PLAC8: variants seen among roughly 807,000 people sequenced by gnomAD.
PLAC8 encodes placenta associated 8.
Under a neutral mutation model 12.6 loss-of-function variants are expected in PLAC8, and 6 were observed. That is an observed-to-expected ratio of 0.48 (90% CI 0.26 to 0.94). PLAC8 has a LOEUF of 0.94. Among genes scored for constraint, PLAC8 ranks in the 40% least tolerant of loss-of-function variants. The pLI is 0.14. For synonymous variants in PLAC8, 54 were observed against 52.6 expected (o/e 1.03, Z -0.11); for missense variants, 122 against 152.7 (o/e 0.80, Z 1.06).
At chr4:83,108,602 C>A (rs1732320282) in intron 1 of PLAC8, among the ~76,000 whole-genome samples, 1 of 152,052 alleles carries the variant, frequency 6.6e-6, no homozygotes. Context: ...TCAACAAAAC[C>A]CCCCAAAACA....
Position 83,100,504 on chromosome 4 carries a change from C to T in PLAC8, c.243+4392G>A, listed in dbSNP as rs186930871. On this transcript the variant is annotated intron_variant, in intron 3 of 4. Coordinates refer to ENST00000311507, the MANE Select transcript of PLAC8 (RefSeq NM_016619.3). ...TCTCAGGTACTTCTTTATAGCAATG[C>T]GAGAACCTTTTCTTTATAAGTTACC... is the stretch of plus-strand genomic sequence containing the variant. 2.7e-3 allele frequency among the ~76,000 whole-genome samples: 172 copies of T among 64,638 alleles called. 1 individual carries two copies. Among genetic ancestry groups the T allele is most frequent in the African/African-American group, 0.011 (156 of 13,908 alleles). 42.4% of individuals were successfully genotyped at this position (64,638 alleles called of 152,430 possible).
At chr4:83,097,310 A>G (rs1731963737) in intron 3 of PLAC8, among the ~76,000 whole-genome samples, 1 of 152,142 alleles carries the variant, frequency 6.6e-6, no homozygotes, top group Non-Finnish European at 1.5e-5. Flanking sequence ...TGGCTTAGGA[A>G]AAAAGCACTT....
intron 4 of PLAC8, 165 bp downstream of exon 4, chr4:83,094,513 T>C: frequency 1.8e-6 from 1 of 548,548 alleles, no homozygotes; most frequent in Non-Finnish European, 3.2e-6. Flanking sequence ...AGCTATCTTC[T>C]TCATAAGAAG....
At chr4:83,094,527 A>T in intron 4 of PLAC8, 151 bp downstream of exon 4, 1 of 564,972 alleles carries the variant, frequency 1.8e-6, no homozygotes. Context: ...TAAGAAGAAA[A>T]TTAAAGCCAA....
chr4:83,112,275 CAGTT>C (rs1164016560), intron 1 of PLAC8, among the ~76,000 whole-genome samples: 9 of 150,044 alleles, frequency 6.0e-5, no homozygotes, highest in African/African-American at 9.9e-5. Flanking sequence ...TGCTAACTGC[CAGTT>C]AGTTTGTGTG....
intron 3 of PLAC8, among the ~76,000 whole-genome samples, chr4:83,099,527 C>T (rs545918381): frequency 6.6e-6 from 1 of 152,248 alleles, no homozygotes; most frequent in South Asian, 2.1e-4. Flanking sequence ...CTGCACCCAT[C>T]CATATAAGAT....
intron 2 of PLAC8, among the ~76,000 whole-genome samples, chr4:83,106,651 C>A (rs1253978705): frequency 6.6e-6 from 1 of 151,970 alleles, no homozygotes; most frequent in African/African-American, 2.4e-5. Flanking sequence ...AGGTTCAATT[C>A]AACTCTCATT....
intron 4 of PLAC8, chr4:83,092,727 G>T (rs1323791693): frequency 2.7e-5 from 4 of 150,932 alleles, no homozygotes; most frequent in Non-Finnish European, 5.9e-5. Context: ...AGCTCATAAA[G>T]ATATTTTCTC....
rs747722784 is a variant in PLAC8, at chr4:83,107,859, G to C, written c.63C>G (p.Pro21=). 2 of 1,608,250 alleles carry C rather than the reference G, an allele frequency of 1.2e-6. No homozygotes were observed. Among genetic ancestry groups the C allele is most frequent in the East Asian group, 2.3e-5 (1 of 44,416 alleles). The part of the protein sequence containing the change: ...TQPGVGPGPA[P]QNSNWQTGMC... Reference sequence around the variant, plus strand: ...TGCCTGTCTGCCAGTTGGAGTTCTGGGGGGCCGGACCGGGACCGACTCCAG... The same window carrying C: ...TGCCTGTCTGCCAGTTGGAGTTCTGCGGGGCCGGACCGGGACCGACTCCAG... The change falls in exon 2 of 5, where the codon CCC becomes CCG. Residue 21 remains proline (P), a synonymous_variant. Coordinates refer to ENST00000311507, the MANE Select transcript of PLAC8 (RefSeq NM_016619.3).
At chr4:83,093,551 GT>G (rs1489581532) in intron 4 of PLAC8, 1 of 152,158 alleles carries the variant, frequency 6.6e-6, no homozygotes. Flanking sequence ...AGTGCCATCT[GT>G]TTCTTGTTGA....
intron 1 of PLAC8, among the ~76,000 whole-genome samples, chr4:83,112,204 G>GTA (rs754066888): frequency 4.7e-5 from 6 of 128,688 alleles, no homozygotes; most frequent in Non-Finnish European, 6.1e-5. Context: ...ATATATATAT[G>GTA]TATATATATA....
Position 83,090,780 on chromosome 4 carries a change from G to A in PLAC8, c.*201C>T, listed in dbSNP as rs983712146. On this transcript the variant is annotated 3_prime_UTR_variant, in exon 5 of 5. Transcript: ENST00000311507. Reference sequence around the variant, plus strand: ...TTCGAATTCGATAATATGAAAGCAAGGAGAAACTAAGTTGCACCATTTAGC... The same window carrying A: ...TTCGAATTCGATAATATGAAAGCAAAGAGAAACTAAGTTGCACCATTTAGC... The A allele has an allele frequency of 6.6e-6, 1 of 151,904 alleles. No individual in the cohort carries two copies. The highest frequency in any genetic ancestry group is 1.5e-5 in the Non-Finnish European group (1 of 68,006). The allele number at this position is 151,904 out of a possible 1,614,324, so 9.4% of individuals were successfully genotyped here.
chr4:83,094,154 A>G (rs1207302912), intron 4 of PLAC8: 1 of 152,336 alleles, frequency 6.6e-6, no homozygotes, highest in African/African-American at 2.4e-5. Context: ...ATTCTATATA[A>G]CATTTCCAAA....
intron 1 of PLAC8, among the ~76,000 whole-genome samples, chr4:83,112,132 C>T (rs939908048): frequency 6.7e-6 from 1 of 149,410 alleles, no homozygotes; most frequent in Non-Finnish European, 1.5e-5. Flanking sequence ...CAAGATCGTG[C>T]CATTGCATTC....
intron 1 of PLAC8, among the ~76,000 whole-genome samples, chr4:83,111,091 G>C (rs2126144480): frequency 6.6e-6 from 1 of 152,174 alleles, no homozygotes; most frequent in South Asian, 2.1e-4. Flanking sequence ...TCAGCCTCCT[G>C]AGTAGCCGAG....
chr4:83,112,464 G>A (rs1242643233), intron 1 of PLAC8, among the ~76,000 whole-genome samples: 1 of 151,960 alleles, frequency 6.6e-6, no homozygotes, highest in Non-Finnish European at 1.5e-5. Context: ...GCAGAATGGG[G>A]GGCCCCAGGA....
chr4:83,094,287 G>A (rs1731873775), intron 4 of PLAC8: 2 of 160,592 alleles, frequency 1.2e-5, no homozygotes, highest in African/African-American at 2.4e-5. Context: ...CATACAGAAT[G>A]TTATTTTCTT....
rs70946974 is a variant in PLAC8, at chr4:83,107,620, C to CTTT, written c.118+181_118+183dup. Among the ~76,000 whole-genome samples the CTTT allele has an allele frequency of 1.4e-3, 19 of 13,856 alleles. 9 individuals carry two copies. The highest frequency in any genetic ancestry group is 3.6e-3 in the Admixed American group (5 of 1,382). The allele number at this position is 13,856 out of a possible 152,430, so 9.1% of individuals were successfully genotyped here. ...GAAAATTAAGTTATCCATACGGAGG[C>CTTT]TTTTTTTTTTTTTTTTTTTTTTTTT... On this transcript the variant is annotated intron_variant, in intron 2 of 4. Coordinates refer to ENST00000311507, the MANE Select transcript of PLAC8 (RefSeq NM_016619.3).
At chr4:83,105,154 A>G in intron 2 of PLAC8, 134 bp from the exon 3 acceptor site, 1 of 937,568 alleles carries the variant, frequency 1.1e-6, no homozygotes, top group Admixed American at 2.2e-5. Flanking sequence ...GTCCATCTTC[A>G]ATGTTTCTAT....
Sources: allele counts gnomAD v4.1 joint callset (sites outside exome capture counted in the v4.1 genomes callset), GRCh38; gene constraint gnomAD v4.1.1; transcripts MANE v1.5; gene names NCBI Gene and HGNC (gene_info 2026-07-23, HGNC 2026-07-21).